Variants in MGA observed in about 807,000 individuals in gnomAD.
The protein encoded by MGA is MAX gene-associated protein.
In MGA, 40 loss-of-function variants were observed where a neutral mutation model predicts 261.1. The ratio of observed to expected loss-of-function variants is 0.15; its 90% CI spans 0.12 to 0.20. The LOEUF is 0.20. Among genes scored for constraint, MGA ranks in the 10% least tolerant of loss-of-function variants. The pLI is 1.00. For missense variants in MGA, 3,397 were observed against 3,630.5 expected (o/e 0.94, Z 1.65); for synonymous variants, 1,302 against 1,290.6 (o/e 1.01, Z -0.19).
At chr15:41,698,171 CTT>C (rs11442137) in intron 3 of MGA, among the ~76,000 whole-genome samples, 7 of 115,976 alleles carry the variant, frequency 6.0e-5, no homozygotes, top group African/African-American at 1.4e-4. Context: ...CCCCTGGCCT[CTT>C]TTTTTTTTTT....
At chr15:41,760,599 A>C in intron 20 of MGA, 70 bp downstream of exon 20, 4 of 1,451,116 alleles carry the variant, frequency 2.8e-6, no homozygotes, top group African/African-American at 1.4e-5. Context: ...GAGAAAGATA[A>C]TCCACTGACA....
intron 4 of MGA, 25 bp downstream of exon 4, chr15:41,698,966 GTTGTAT>G (rs2059691217): frequency 6.5e-7 from 1 of 1,545,254 alleles, no homozygotes; most frequent in Non-Finnish European, 8.8e-7. Context: ...TATAAAAAGA[GTTGTAT>G]TTGTGGTTTG....
At chr15:41,632,657 A>C (rs981594266) in intron 1 of MGA, among the ~76,000 whole-genome samples, 1 of 152,150 alleles carries the variant, frequency 6.6e-6, no homozygotes, top group African/African-American at 2.4e-5. Context: ...CCAGACTCCA[A>C]ATCAGGGAGA....
At chr15:41,685,456 T>C (rs1035989742) in intron 2 of MGA, among the ~76,000 whole-genome samples, 1 of 152,200 alleles carries the variant, frequency 6.6e-6, no homozygotes, top group African/African-American at 2.4e-5. Context: ...TATTTCCACA[T>C]AAATTTTGAG....
At chr15:41,628,367 CAAAAAA>C (rs936932982) in intron 1 of MGA, among the ~76,000 whole-genome samples, 5 of 47,100 alleles carry the variant, frequency 1.1e-4, no homozygotes, top group South Asian at 7.5e-4. Flanking sequence ...ACTCTGTATC[CAAAAAA>C]AAAAAAAAAA....
intron 1 of MGA, among the ~76,000 whole-genome samples, chr15:41,636,631 T>G (rs2056714711): frequency 6.6e-6 from 1 of 152,014 alleles, no homozygotes; most frequent in Admixed American, 6.6e-5. Flanking sequence ...GCCACAGTGG[T>G]CTTGAACTCC....
intron 17 of MGA, chr15:41,750,969 C>G: frequency 5.7e-6 from 1 of 176,898 alleles, no homozygotes; most frequent in South Asian, 1.5e-4. Context: ...TGTAGCTTCT[C>G]TGGTAGATGT....
intron 18 of MGA, among the ~76,000 whole-genome samples, chr15:41,755,441 T>G (rs1030538561): frequency 6.6e-6 from 1 of 152,226 alleles, no homozygotes; most frequent in East Asian, 1.9e-4. Context: ...TTAGACTTAA[T>G]GAGTTTAGTC....
chr15:41,722,233 CA>C (rs1555425517), intron 9 of MGA, among the ~76,000 whole-genome samples: 2 of 148,402 alleles, frequency 1.3e-5, no homozygotes, highest in Non-Finnish European at 1.5e-5. Context: ...GGGTTCACAC[CA>C]TTCTCCTGCC....
rs762341498 is a variant in MGA at position 41,696,522 on chromosome 15, A to G, written c.1512A>G (p.Glu504=). 3.7e-6 allele frequency: 6 copies of G among 1,614,002 alleles called. No individual in the cohort carries two copies. Among genetic ancestry groups the G allele is most frequent in the Non-Finnish European group, 5.1e-6 (6 of 1,179,880 alleles). The change falls in exon 3 of 24, where the codon GAA becomes GAG. Residue 504 remains glutamate, a synonymous_variant. Coordinates refer to ENST00000219905, the MANE Select transcript of MGA (RefSeq NM_001164273.2). ...AGGATAAATCTTCTATGTTGGCAGA[A>G]TTGGAATATTTGCCTACATACATTG...
At chr15:41,737,172 T>C (rs1352707910) in intron 13 of MGA, among the ~76,000 whole-genome samples, 1 of 152,110 alleles carries the variant, frequency 6.6e-6, no homozygotes, top group East Asian at 1.9e-4. Context: ...TTTTTATTTA[T>C]TATTTATTTA....
Position 41,760,329 on chromosome 15 carries a change from C to A in MGA, c.7198C>A (p.Pro2400Thr), listed in dbSNP as rs761152925. 71 of 1,613,816 alleles carry A rather than the reference C, an allele frequency of 4.4e-5. No homozygotes were observed. Among genetic ancestry groups the A allele is most frequent in the Non-Finnish European group, 5.8e-5 (68 of 1,179,868 alleles). The change falls in exon 20 of 24, where the codon CCA becomes ACA. Residue 2400 changes from proline to threonine, a missense_variant. Physicochemically the swap from Pro to Thr is conservative, Grantham distance 38. This residue lies in a region of MGA where 1,410 missense variants were observed against 1,386.4 expected (regional missense o/e 1.02). Coordinates refer to ENST00000219905, the MANE Select transcript of MGA (RefSeq NM_001164273.2). ...GGCAATCTTGTTTGGACAGGCTCCACCAATTCCTCTAAAACTGAAGCCTGA... is the reference window on the plus strand; with the variant it reads ...GGCAATCTTGTTTGGACAGGCTCCAACAATTCCTCTAAAACTGAAGCCTGA...
Position 41,767,125 on chromosome 15 carries a change from G to A in MGA, c.9043G>A (p.Ala3015Thr). ...GAGTCTCAAGGTGATGCCTTGTTTG[G>A]CACCTATAGCTGCCAAAGTTGGGTC... Residue 3015 changes from alanine (A) to threonine (T), a missense_variant, in exon 24 of 24, where the codon GCA becomes ACA. This residue lies in a region of MGA where 647 missense variants were observed against 642.4 expected (regional missense o/e 1.01). Coordinates refer to ENST00000219905, the MANE Select transcript of MGA (RefSeq NM_001164273.2). 1 of 1,613,974 alleles carries A rather than the reference G, an allele frequency of 6.2e-7. No homozygotes were observed. Among genetic ancestry groups the A allele is most frequent in the Non-Finnish European group, 8.5e-7 (1 of 1,179,878 alleles).
intron 5 of MGA, among the ~76,000 whole-genome samples, chr15:41,699,437 T>C (rs988168316): frequency 1.2e-4 from 18 of 152,232 alleles, no homozygotes; most frequent in African/African-American, 3.4e-4. Context: ...TGTTCATTCT[T>C]ATAACCTGGT....
At chr15:41,692,673 C>G (rs920180769) in intron 2 of MGA, among the ~76,000 whole-genome samples, 1 of 152,114 alleles carries the variant, frequency 6.6e-6, no homozygotes. Context: ...TTGTGATCTT[C>G]CACATTCTAA....
At chr15:41,750,742 A>C in intron 17 of MGA, 127 bp downstream of exon 17, 1 of 836,228 alleles carries the variant, frequency 1.2e-6, no homozygotes, top group Non-Finnish European at 1.8e-6. Context: ...TAAGATTATG[A>C]CTTAAATGGC....
At chr15:41,698,781 T>C in intron 3 of MGA, 82 bp from the exon 4 acceptor site, 1 of 1,103,036 alleles carries the variant, frequency 9.1e-7, no homozygotes, top group Non-Finnish European at 1.3e-6. Context: ...CTTCTGGTCT[T>C]TAAGTTTTTT....
intron 1 of MGA, among the ~76,000 whole-genome samples, chr15:41,625,663 A>G (rs748112609): frequency 5.9e-5 from 9 of 152,222 alleles, no homozygotes; most frequent in East Asian, 1.9e-4. Flanking sequence ...ACAGTGAGCC[A>G]TGATTGTGCC....
At chr15:41,653,370 G>GA (rs927686459) in intron 1 of MGA, among the ~76,000 whole-genome samples, 11 of 149,218 alleles carry the variant, frequency 7.4e-5, no homozygotes, top group South Asian at 4.2e-4. Flanking sequence ...CTCCATCTCA[G>GA]AAAAAAAAAC....
Sources: gnomAD v4.1 joint callset for allele counts (sites outside exome capture counted in the v4.1 genomes callset) on GRCh38, gnomAD v4.1.1 for gene constraint, gnomAD v4.1.1 regional missense constraint, MANE v1.5 for transcripts, NCBI Gene and HGNC (gene_info 2026-07-23, HGNC 2026-07-21) for gene names.